ASIC2: variants seen among roughly 807,000 people sequenced by gnomAD.
ASIC2 encodes acid-sensing ion channel 2.
A neutral mutation model predicts 57.3 loss-of-function variants in ASIC2; 25 were observed. That is an observed-to-expected ratio of 0.44 (90% CI 0.32 to 0.61). The LOEUF is 0.61. Ranked by LOEUF, ASIC2 falls within the 20% of genes least tolerant of loss-of-function variation. The pLI, the probability that ASIC2 is intolerant of heterozygous loss-of-function variation, is 0.06. For missense variants in ASIC2, 641 were observed against 738.1 expected (o/e 0.87, Z 1.52); for synonymous variants, 319 against 307.5 (o/e 1.04, Z -0.39).
At chr17:33,872,825 G>C (rs1914453373) in intron 1 of ASIC2, among the ~76,000 whole-genome samples, 1 of 152,108 alleles carries the variant, frequency 6.6e-6, no homozygotes, top group Non-Finnish European at 1.5e-5. Flanking sequence ...AACCTTCCTG[G>C]GTGGCGGTAA....
intron 1 of ASIC2, among the ~76,000 whole-genome samples, chr17:33,202,029 A>C (rs1906886918): frequency 6.6e-6 from 1 of 151,716 alleles, no homozygotes; most frequent in Non-Finnish European, 1.5e-5. Context: ...AAAAAAAAAA[A>C]AAAAAAAGAA....
intron 1 of ASIC2, among the ~76,000 whole-genome samples, chr17:33,596,477 A>G (rs1433810083): frequency 2.6e-5 from 4 of 152,088 alleles, no homozygotes; most frequent in Non-Finnish European, 5.9e-5. Flanking sequence ...AGCAAGAATA[A>G]AGTTATTTGC....
chr17:33,052,563 T>C (rs1187998503), intron 3 of ASIC2: 3 of 152,194 alleles, frequency 2.0e-5, no homozygotes, highest in Non-Finnish European at 4.4e-5. Context: ...AGGATAAAAC[T>C]CTCTCTTCAG....
At chr17:33,094,621 C>A (rs2092170731) in intron 2 of ASIC2, among the ~76,000 whole-genome samples, 2 of 152,174 alleles carry the variant, frequency 1.3e-5, no homozygotes, top group Admixed American at 1.3e-4. Context: ...TGTGGTACCA[C>A]AAAGGGAAGG....
chr17:33,023,703 T>G (rs1295550618), intron 6 of ASIC2, among the ~76,000 whole-genome samples, 158 bp downstream of exon 6: 1 of 152,182 alleles, frequency 6.6e-6, no homozygotes, highest in Non-Finnish European at 1.5e-5. Context: ...GTCTTTGTAT[T>G]CTGAACATGG....
chr17:33,101,554 A>T (rs756580229), intron 2 of ASIC2, among the ~76,000 whole-genome samples: 1 of 152,104 alleles, frequency 6.6e-6, no homozygotes, highest in Non-Finnish European at 1.5e-5. Context: ...TCTTGGTTTT[A>T]AAAAATTTTA....
chr17:33,626,179 C>A (rs8065067), intron 1 of ASIC2, among the ~76,000 whole-genome samples: 79,969 of 151,816 alleles, frequency 0.53, 21,629 homozygotes, highest in African/African-American at 0.64. Flanking sequence ...ACTTAAGGAG[C>A]TTTGAATGAA....
intron 1 of ASIC2, chr17:34,041,309 G>A (rs973535051): frequency 6.6e-6 from 1 of 152,116 alleles, no homozygotes; most frequent in Non-Finnish European, 1.5e-5. Flanking sequence ...GAGAGCCCAG[G>A]AGAGCCTCTG....
At chr17:33,270,300 T>C (rs1904433220) in intron 1 of ASIC2, among the ~76,000 whole-genome samples, 1 of 152,216 alleles carries the variant, frequency 6.6e-6, no homozygotes, top group Non-Finnish European at 1.5e-5. Context: ...GAGCTAATTA[T>C]GTTATAATCA....
intron 1 of ASIC2, among the ~76,000 whole-genome samples, chr17:34,026,901 C>A (rs578089819): frequency 8.5e-5 from 13 of 152,302 alleles, no homozygotes; most frequent in Admixed American, 3.9e-4. Flanking sequence ...TGCGTTAGAA[C>A]CTTTCAGCAA....
chr17:33,065,948 A>G (rs915500687), intron 3 of ASIC2, among the ~76,000 whole-genome samples: 10 of 152,186 alleles, frequency 6.6e-5, no homozygotes, highest in Admixed American at 6.5e-4. Context: ...TGATAAAGGT[A>G]GGGCTGGGCT....
At chr17:33,654,206 C>T (rs1387286403) in intron 1 of ASIC2, among the ~76,000 whole-genome samples, 1 of 152,206 alleles carries the variant, frequency 6.6e-6, no homozygotes, top group Non-Finnish European at 1.5e-5. Context: ...TCTCTTCCTT[C>T]CCCCAATCCC....
At chr17:34,020,916 A>G (rs1907136353) in intron 1 of ASIC2, among the ~76,000 whole-genome samples, 1 of 152,182 alleles carries the variant, frequency 6.6e-6, no homozygotes, top group Non-Finnish European at 1.5e-5. Flanking sequence ...GATTGGTTAT[A>G]TAACAATAGA....
chr17:33,746,626 T>C (rs1910277928), intron 1 of ASIC2, among the ~76,000 whole-genome samples: 1 of 151,860 alleles, frequency 6.6e-6, no homozygotes, highest in African/African-American at 2.4e-5. Context: ...TGAACAATAA[T>C]GGTTAGAGGC....
intron 1 of ASIC2, among the ~76,000 whole-genome samples, chr17:33,421,600 T>G (rs989981530): frequency 6.6e-6 from 1 of 152,190 alleles, no homozygotes; most frequent in South Asian, 2.1e-4. Context: ...ATTTTTTACT[T>G]TATACCCAGT....
chr17:33,359,022 C>T (rs9901182), intron 1 of ASIC2, among the ~76,000 whole-genome samples: 3 of 152,170 alleles, frequency 2.0e-5, no homozygotes, highest in East Asian at 3.9e-4. Flanking sequence ...AGCCTCTTTG[C>T]CCCCCCTTTC....
intron 1 of ASIC2, among the ~76,000 whole-genome samples, chr17:33,771,230 A>G (rs930877737): frequency 6.6e-6 from 1 of 152,142 alleles, no homozygotes; most frequent in Admixed American, 6.5e-5. Flanking sequence ...AATTATCACC[A>G]TTCCTCAAAC....
intron 1 of ASIC2, chr17:33,680,822 A>C (rs1337936757): frequency 6.6e-6 from 1 of 152,182 alleles, no homozygotes; most frequent in East Asian, 1.9e-4. Flanking sequence ...TTGTTAGTTT[A>C]TTTTAAATGT....
At chr17:33,042,057 T>C (rs2091932107) in intron 3 of ASIC2, among the ~76,000 whole-genome samples, 1 of 152,248 alleles carries the variant, frequency 6.6e-6, no homozygotes, top group Non-Finnish European at 1.5e-5. Context: ...AATGTTCAGT[T>C]TGATGTTTTT....
Sources: allele counts gnomAD v4.1 joint callset (sites outside exome capture counted in the v4.1 genomes callset), GRCh38; gene constraint gnomAD v4.1.1; transcripts MANE v1.5; gene names NCBI Gene and HGNC (gene_info 2026-07-23, HGNC 2026-07-21).